Variants in ROBO1 observed in about 807,000 individuals in gnomAD.
ROBO1 encodes roundabout guidance receptor 1.
A neutral mutation model predicts 195.9 loss-of-function variants in ROBO1; 149 were observed. That is an observed-to-expected ratio of 0.76 (90% CI 0.67 to 0.87). ROBO1 has a LOEUF of 0.87. Ranked by LOEUF, ROBO1 falls within the 40% of genes least tolerant of loss-of-function variation. The probability of loss-of-function intolerance (pLI) is 0.00; values close to 1 mark genes in which losing one functional copy is unlikely to be tolerated. For missense variants in ROBO1, 1,933 were observed against 2,068.3 expected (o/e 0.93, Z 1.27); for synonymous variants, 816 against 733.2 (o/e 1.11, Z -1.82).
chr3:79,125,603 T>C (rs1054919267), intron 2 of ROBO1, 64 bp from the exon 3 acceptor site: 5 of 1,188,200 alleles, frequency 4.2e-6, no homozygotes, highest in African/African-American at 3.0e-5. Context: ...GCCATTTCGA[T>C]CACAGCATGT....
chr3:79,706,252 G>T (rs1008105321), intron 1 of ROBO1, among the ~76,000 whole-genome samples: 2 of 152,062 alleles, frequency 1.3e-5, no homozygotes, highest in African/African-American at 4.8e-5. Flanking sequence ...AAAGCTTCTG[G>T]TTTCTCATGA....
At chr3:78,709,561 T>C (rs1010287014) in intron 8 of ROBO1, among the ~76,000 whole-genome samples, 4 of 152,208 alleles carry the variant, frequency 2.6e-5, no homozygotes, top group Non-Finnish European at 4.4e-5. Context: ...TTAATTTGAC[T>C]TTGGCATTCC....
chr3:78,844,538 T>C (rs1470736325), intron 4 of ROBO1, among the ~76,000 whole-genome samples: 1 of 152,040 alleles, frequency 6.6e-6, no homozygotes, highest in African/African-American at 2.4e-5. Flanking sequence ...TACTAGGCTT[T>C]GTGTTGACCA....
Position 78,661,016 on chromosome 3 carries a change from T to G in ROBO1, c.2320+14A>C. On this transcript the variant is annotated intron_variant, in intron 16 of 30. Transcript: ENST00000464233. ...ACTGCAATGCATGGAAATCAAACGC[T>G]TCATCATACTTGCCTTCTTCCAGGG... 6.3e-7 allele frequency: 1 copy of G among 1,576,216 alleles called. No individual in the cohort carries two copies. The highest frequency in any genetic ancestry group is 8.7e-7 in the Non-Finnish European group (1 of 1,149,108).
chr3:79,689,298 T>G (rs941247273), intron 1 of ROBO1, among the ~76,000 whole-genome samples: 7 of 152,032 alleles, frequency 4.6e-5, no homozygotes, highest in Non-Finnish European at 8.8e-5. Flanking sequence ...AAATCTGTTT[T>G]ATTGTGAAAT....
At chr3:79,137,389 A>T (rs2080431737) in intron 2 of ROBO1, among the ~76,000 whole-genome samples, 1 of 151,594 alleles carries the variant, frequency 6.6e-6, no homozygotes, top group Non-Finnish European at 1.5e-5. Context: ...TAAATAAAAA[A>T]AAAACAGATT....
chr3:79,751,560 C>T (rs1001304533), intron 1 of ROBO1, among the ~76,000 whole-genome samples: 5 of 152,124 alleles, frequency 3.3e-5, no homozygotes, highest in African/African-American at 9.6e-5. Context: ...TATATATCTA[C>T]AGTATCCTGA....
At chr3:78,690,021 T>G (rs930401552) in intron 8 of ROBO1, among the ~76,000 whole-genome samples, 6 of 148,022 alleles carry the variant, frequency 4.1e-5, no homozygotes, top group Non-Finnish European at 7.5e-5. Context: ...ATAAAATATA[T>G]AAAGTTATAG....
intron 2 of ROBO1, among the ~76,000 whole-genome samples, chr3:79,396,387 T>C (rs899637272): frequency 6.6e-6 from 1 of 152,086 alleles, no homozygotes; most frequent in African/African-American, 2.4e-5. Flanking sequence ...TTGGGAAGTA[T>C]AAGTTATTAG....
chr3:79,334,300 T>TAAAA (rs59858022), intron 2 of ROBO1, among the ~76,000 whole-genome samples: 2 of 118,218 alleles, frequency 1.7e-5, no homozygotes, highest in South Asian at 2.9e-4. Context: ...AGACTCTGTC[T>TAAAA]AAAAAAAAAA....
At chr3:78,702,767 G>A (rs575681347) in intron 8 of ROBO1, among the ~76,000 whole-genome samples, 1 of 152,248 alleles carries the variant, frequency 6.6e-6, no homozygotes, top group East Asian at 1.9e-4. Flanking sequence ...TGGGCAGTGA[G>A]AAAACCTTAC....
intron 1 of ROBO1, among the ~76,000 whole-genome samples, chr3:79,628,906 T>C (rs1177190406): frequency 6.6e-6 from 1 of 152,086 alleles, no homozygotes; most frequent in African/African-American, 2.4e-5. Flanking sequence ...ACAAAGGAAG[T>C]CATTGTATAA....
chr3:79,220,594 G>C lies in ROBO1; in HGVS notation c.89-95055C>G, dbSNP rs906478078. On this transcript the variant is annotated intron_variant, in intron 2 of 30. Coordinates refer to ENST00000464233, the MANE Select transcript of ROBO1 (RefSeq NM_002941.4). ...CCCAATATAGGCTTCTAATTGCAAT[G>C]ATGTGTGTGTGTGTGGTGGGTGAGG... Among the ~76,000 whole-genome samples the C allele has an allele frequency of 5.9e-5, 9 of 152,058 alleles. No individual in the cohort carries two copies. The East Asian group carries it at 1.5e-3, about 26-fold the overall frequency.
intron 3 of ROBO1, among the ~76,000 whole-genome samples, chr3:79,109,226 T>C (rs969979334): frequency 6.6e-6 from 1 of 151,902 alleles, no homozygotes. Flanking sequence ...TTCTGTTATA[T>C]AGTAGCTTTA....
chr3:79,366,881 G>A (rs757797998), intron 2 of ROBO1, among the ~76,000 whole-genome samples: 15 of 111,882 alleles, frequency 1.3e-4, no homozygotes, highest in Non-Finnish European at 2.9e-4. Flanking sequence ...CTATATTAAG[G>A]ATGTCTTAGA....
intron 1 of ROBO1, among the ~76,000 whole-genome samples, chr3:79,621,250 C>G (rs769298543): frequency 8.5e-5 from 13 of 152,158 alleles, no homozygotes; most frequent in Admixed American, 2.6e-4. Flanking sequence ...AGCCCTGCCC[C>G]TGCCCACAAC....
intron 3 of ROBO1, among the ~76,000 whole-genome samples, chr3:79,009,128 T>A (rs1205387188): frequency 1.4e-5 from 2 of 147,652 alleles, no homozygotes; most frequent in Admixed American, 1.4e-4. Context: ...TTTTTTTTTT[T>A]TTTTTAGTAG....
chr3:79,683,587 A>G (rs1228395126), intron 1 of ROBO1, among the ~76,000 whole-genome samples: 1 of 152,116 alleles, frequency 6.6e-6, no homozygotes, highest in Non-Finnish European at 1.5e-5. Flanking sequence ...AAACATGCCC[A>G]TTAGCAGTCA....
At chr3:79,250,212 G>A (rs2082695056) in intron 2 of ROBO1, among the ~76,000 whole-genome samples, 1 of 152,150 alleles carries the variant, frequency 6.6e-6, no homozygotes, top group Admixed American at 6.6e-5. Flanking sequence ...ATGTTAAGTA[G>A]AGGAAATATT....
Sources: allele counts gnomAD v4.1 joint callset (sites outside exome capture counted in the v4.1 genomes callset), GRCh38; gene constraint gnomAD v4.1.1; transcripts MANE v1.5; gene names NCBI Gene and HGNC (gene_info 2026-07-23, HGNC 2026-07-21).